Variants in WWOX observed in about 807,000 individuals in gnomAD.
WWOX encodes the protein WW domain containing oxidoreductase, also known as WW domain-containing oxidoreductase.
WWOX carries 69 observed loss-of-function variants against 46.2 expected under a neutral mutation model. The ratio of observed to expected loss-of-function variants is 1.49; its 90% confidence interval spans 1.23 to 1.82. The LOEUF is 1.82. Among genes scored for constraint, WWOX ranks in the 40% most tolerant of loss-of-function variants. The pLI is 0.00. For synonymous variants in WWOX, 359 were observed against 202.6 expected (o/e 1.77, Z -6.56); for missense variants, 919 against 542.6 (o/e 1.69, Z -6.89).
intron 8 of WWOX, among the ~76,000 whole-genome samples, chr16:78,977,694 C>T (rs1028524481): frequency 2.6e-5 from 4 of 152,140 alleles, no homozygotes; most frequent in South Asian, 2.1e-4. Context: ...ACAGAGGGCT[C>T]GGATCATCAG....
intron 8 of WWOX, among the ~76,000 whole-genome samples, chr16:79,011,240 T>A (rs1434602293): frequency 2.0e-5 from 3 of 151,548 alleles, no homozygotes; most frequent in Non-Finnish European, 4.4e-5. Flanking sequence ...TTAGCAGGCA[T>A]CTTCTGAGAA....
intron 7 of WWOX, among the ~76,000 whole-genome samples, chr16:78,426,920 T>C (rs8055718): frequency 0.17 from 25,821 of 152,066 alleles, 2,830 homozygotes; most frequent in East Asian, 0.3. Context: ...CCTTGGCTTC[T>C]CACAGTGCTG....
intron 8 of WWOX, among the ~76,000 whole-genome samples, chr16:78,918,887 C>G (rs75886534): frequency 2.6e-5 from 4 of 152,154 alleles, no homozygotes; most frequent in African/African-American, 7.2e-5. Flanking sequence ...CTTGTCTTTT[C>G]TGAGCTACCT....
At chr16:78,329,827 G>C (rs2080715096) in intron 5 of WWOX, among the ~76,000 whole-genome samples, 1 of 151,008 alleles carries the variant, frequency 6.6e-6, no homozygotes, top group Non-Finnish European at 1.5e-5. Flanking sequence ...GCTCACTGCA[G>C]CCTCAAACTC....
intron 5 of WWOX, among the ~76,000 whole-genome samples, chr16:78,302,111 C>A (rs2080052248): frequency 6.6e-6 from 1 of 152,016 alleles, no homozygotes; most frequent in Admixed American, 6.5e-5. Flanking sequence ...CAGGCGCCTG[C>A]CACCATGCCC....
chr16:78,162,138 G>T (rs1414557772), intron 4 of WWOX, among the ~76,000 whole-genome samples: 4 of 152,312 alleles, frequency 2.6e-5, no homozygotes, highest in African/African-American at 9.6e-5. Context: ...ACTAGGTGTA[G>T]TGTAGGTGAC....
At chr16:79,056,119 C>T (rs1480054385) in intron 8 of WWOX, among the ~76,000 whole-genome samples, 1 of 151,652 alleles carries the variant, frequency 6.6e-6, no homozygotes, top group African/African-American at 2.4e-5. Flanking sequence ...CCATTAAATT[C>T]TCATCTTGTA....
chr16:78,426,567 G>A (rs1567566410), intron 7 of WWOX, among the ~76,000 whole-genome samples: 1 of 152,144 alleles, frequency 6.6e-6, no homozygotes, highest in African/African-American at 2.4e-5. Context: ...TAGTTTATAG[G>A]GAGGCCTTCC....
In WWOX at chr16:78,368,830, G is replaced by A. The variant is rs190974995; in HGVS notation, c.517-18030G>A. Among the ~76,000 whole-genome samples the A allele has an allele frequency of 5.9e-5, 9 of 152,150 alleles. 1 individual carries two copies. The highest frequency in any genetic ancestry group is 1.7e-4 in the African/African-American group (7 of 41,434). On this transcript the variant is annotated intron_variant, in intron 5 of 8. Coordinates refer to ENST00000566780, the MANE Select transcript of WWOX (RefSeq NM_016373.4). The stretch of plus-strand genomic sequence containing the variant: ...GATAGGTGACTACAGAGCCAGATTC[G>A]AATGTGGCCCTGTGCCGGTGCCCAA...
At chr16:78,390,807 G>C (rs2082159709) in intron 6 of WWOX, among the ~76,000 whole-genome samples, 1 of 152,156 alleles carries the variant, frequency 6.6e-6, no homozygotes, top group Admixed American at 6.5e-5. Flanking sequence ...AATGACAAAT[G>C]AAAGAAAGGC....
intron 4 of WWOX, among the ~76,000 whole-genome samples, chr16:78,137,597 G>A (rs1055029266): frequency 1.3e-5 from 2 of 152,038 alleles, no homozygotes; most frequent in Admixed American, 6.6e-5. Context: ...GTTTTTCTTT[G>A]TAGGTAAAAA....
At chr16:78,326,851 G>A (rs1158721753) in intron 5 of WWOX, among the ~76,000 whole-genome samples, 3 of 152,032 alleles carry the variant, frequency 2.0e-5, no homozygotes, top group Non-Finnish European at 4.4e-5. Flanking sequence ...GTAAAGCTCA[G>A]TATCTGGGGC....
rs151087168 is a variant in WWOX, at chr16:78,546,599, G to C, written c.1056+113847G>C. Among the ~76,000 whole-genome samples, 483 of 152,280 alleles carry C rather than the reference G, an allele frequency of 3.2e-3. 3 individuals are homozygous for C. Among genetic ancestry groups the C allele is most frequent in the African/African-American group, 0.011 (451 of 41,552 alleles). The stretch of plus-strand genomic sequence containing the variant: ...AAAACTTCTGGATACCTGAGACTCA[G>C]CTAGGAACTTATTTTTAAAATATAA... On this transcript the variant is annotated intron_variant, in intron 8 of 8. Transcript: ENST00000566780.
intron 8 of WWOX, among the ~76,000 whole-genome samples, chr16:79,056,173 C>G (rs777336588): frequency 1.3e-5 from 2 of 150,970 alleles, no homozygotes; most frequent in African/African-American, 2.4e-5. Context: ...TAAAGTTTCC[C>G]TTCTTTGGTC....
intron 8 of WWOX, among the ~76,000 whole-genome samples, chr16:79,013,923 C>G (rs1305813378): frequency 6.6e-6 from 1 of 152,140 alleles, no homozygotes; most frequent in African/African-American, 2.4e-5. Context: ...ACAAGAACAC[C>G]AGAAACACCT....
At chr16:79,147,718 G>C (rs1329621830) in intron 8 of WWOX, among the ~76,000 whole-genome samples, 1 of 152,108 alleles carries the variant, frequency 6.6e-6, no homozygotes, top group Non-Finnish European at 1.5e-5. Context: ...TGGTGATCTA[G>C]TTTCACTATA....
chr16:78,513,894 T>TTCCCCCC (rs2085424063), intron 8 of WWOX, among the ~76,000 whole-genome samples: 1 of 116,324 alleles, frequency 8.6e-6, no homozygotes, highest in African/African-American at 4.3e-5. Flanking sequence ...CAGTTCCCAC[T>TTCCCCCC]CCCCCCCCCC....
intron 8 of WWOX, among the ~76,000 whole-genome samples, chr16:78,470,580 A>G (rs1444725871): frequency 6.6e-6 from 1 of 152,120 alleles, no homozygotes; most frequent in Admixed American, 6.6e-5. Context: ...CCCAGGCTGG[A>G]GTGCAATGGC....
chr16:78,720,453 G>A (rs904465748), intron 8 of WWOX, among the ~76,000 whole-genome samples: 11 of 146,650 alleles, frequency 7.5e-5, no homozygotes, highest in African/African-American at 2.8e-4. Flanking sequence ...TTCCCAATTT[G>A]CAATGTTATT....
Sources: gnomAD v4.1 joint callset for allele counts (sites outside exome capture counted in the v4.1 genomes callset) on GRCh38, gnomAD v4.1.1 for gene constraint, MANE v1.5 for transcripts, NCBI Gene and HGNC (gene_info 2026-07-23, HGNC 2026-07-21) for gene names.